The following DHTKD1 variants were observed in gnomAD, a reference collection of about 807,000 sequenced individuals.
The protein encoded by DHTKD1 is dehydrogenase E1 and transketolase domain containing 1, also known as 2-oxoadipate dehydrogenase complex component E1.
DHTKD1 carries 78 observed loss-of-function variants against 101.8 expected under a neutral mutation model. The ratio of observed to expected loss-of-function variants is 0.77; its 90% CI spans 0.64 to 0.93. DHTKD1 has a LOEUF of 0.93. DHTKD1 is among the 40% of genes least tolerant of loss of function. The pLI, the probability that DHTKD1 is intolerant of heterozygous loss-of-function variation, is 0.00. For missense variants in DHTKD1, 1,223 were observed against 1,161.7 expected (o/e 1.05, Z -0.77); for synonymous variants, 462 against 450.3 (o/e 1.03, Z -0.33).
At chr10:12,090,413 C>CTTTT (rs1219209499) in intron 5 of DHTKD1, among the ~76,000 whole-genome samples, 4 of 130,124 alleles carry the variant, frequency 3.1e-5, no homozygotes, top group Admixed American at 8.0e-5. Flanking sequence ...TCCTTTTTTC[C>CTTTT]TTCCTTCCTT....
intron 9 of DHTKD1, 31 bp downstream of exon 9, chr10:12,100,293 T>TTTTTTGTTTTTG: frequency 1.1e-6 from 1 of 874,046 alleles, no homozygotes. Flanking sequence ...TTCTGTTTTT[T>TTTTTTGTTTTTG]TTTTTTTTGA....
At chr10:12,070,313 C>T (rs569718590) in intron 1 of DHTKD1, among the ~76,000 whole-genome samples, 9 of 152,202 alleles carry the variant, frequency 5.9e-5, no homozygotes, top group Middle Eastern at 6.8e-3. Flanking sequence ...GTACAGATTG[C>T]TTATTAGAGG....
intron 7 of DHTKD1, 102 bp downstream of exon 7, chr10:12,094,373 A>G: frequency 1.9e-6 from 2 of 1,055,028 alleles, no homozygotes; most frequent in Admixed American, 4.1e-5. Context: ...TCTGGAATGC[A>G]GTAGCACGAT....
intron 9 of DHTKD1, among the ~76,000 whole-genome samples, chr10:12,100,589 TAG>T (rs998433967): frequency 5.9e-5 from 9 of 152,130 alleles, no homozygotes; most frequent in South Asian, 2.1e-4. Flanking sequence ...GTCTAGCTAG[TAG>T]AGAGTACTTT....
At chr10:12,074,806 G>A (rs551544038) in intron 1 of DHTKD1, among the ~76,000 whole-genome samples, 1 of 152,094 alleles carries the variant, frequency 6.6e-6, no homozygotes, top group Admixed American at 6.6e-5. Flanking sequence ...AGGCAGAGGT[G>A]GTATAAGAAC....
At chr10:12,081,733 A>G in intron 2 of DHTKD1, 106 bp downstream of exon 2, 4 of 1,265,750 alleles carry the variant, frequency 3.2e-6, no homozygotes, top group Non-Finnish European at 4.4e-6. Context: ...AGGCTCCCGC[A>G]GGTGTGAGGA....
At chr10:12,074,591 C>T (rs1191455116) in intron 1 of DHTKD1, among the ~76,000 whole-genome samples, 1 of 151,632 alleles carries the variant, frequency 6.6e-6, no homozygotes, top group African/African-American at 2.4e-5. Flanking sequence ...ATCTCTTGAC[C>T]TCATGATCCA....
rs777848019 is a variant in DHTKD1, at chr10:12,120,136, C to T, written c.2573-46C>T. ...GGGATCATAGTAAATTGGGGACCGT[C>T]TGCATGTGTCTACTTGAGGTGCTGA... On this transcript the variant is annotated intron_variant, in intron 15 of 16. Coordinates refer to ENST00000263035, the MANE Select transcript of DHTKD1 (RefSeq NM_018706.7). The T allele has an allele frequency of 2.1e-6, 3 of 1,460,474 alleles. No homozygotes were observed. The Admixed American group carries it at 5.1e-5, about 25-fold the overall frequency. 90.5% of individuals were successfully genotyped at this position (1,460,474 alleles called of 1,614,324 possible). A position where few individuals can be genotyped will look rare whatever the true frequency, so the allele number is the denominator to read the frequency against.
rs775165668 is a variant in DHTKD1, at chr10:12,094,170, C to T, written c.1257C>T (p.Phe419=). The T allele has an allele frequency of 2.6e-5, 42 of 1,614,126 alleles. No individual in the cohort carries two copies. Among genetic ancestry groups the T allele is most frequent in the Non-Finnish European group, 3.6e-5 (42 of 1,180,018 alleles). ...TRLAFEYQRQ[F]RKDVIIDLLC... ...TGGCTTTTGAATACCAACGCCAGTT[C>T]CGCAAGGATGTGATTATTGATCTGT... Residue 419 remains phenylalanine (F), a synonymous_variant, in exon 7 of 17, where the codon TTC becomes TTT. Transcript: ENST00000263035.
chr10:12,120,479 G>A (rs1390951458), intron 16 of DHTKD1: 21 of 519,516 alleles, frequency 4.0e-5, no homozygotes, highest in African/African-American at 5.8e-5. Context: ...GACTACAGGC[G>A]CCCGCCACCA....
At chr10:12,109,472 G>A (rs974422718) in intron 12 of DHTKD1, among the ~76,000 whole-genome samples, 6 of 151,140 alleles carry the variant, frequency 4.0e-5, no homozygotes, top group African/African-American at 1.5e-4. Context: ...GCCACTAGAT[G>A]ACATTGACAG....
At chr10:12,086,225 TC>T (rs11320281) in intron 3 of DHTKD1, among the ~76,000 whole-genome samples, 125,846 of 132,162 alleles carry the variant, frequency 0.95, 59,985 homozygotes, top group Non-Finnish European at 0.98. Flanking sequence ...TGTTTTCTTT[TC>T]TTTTTTTTTT....
chr10:12,104,944 G>A lies in DHTKD1; in HGVS notation c.1897-1302G>A, dbSNP rs907654884. Among the ~76,000 whole-genome samples, 16 of 150,262 alleles carry A rather than the reference G, an allele frequency of 1.1e-4. No homozygotes were observed. In the East Asian group the frequency reaches 2.2e-3, roughly 20 times the overall value. On this transcript the variant is annotated intron_variant, in intron 10 of 16. Transcript: ENST00000263035. ...GGCTGGAGTGCAGTGGCACAATCTC[G>A]GCTCAATGCAACCTCCACCTCCCAG...
At position 12,081,550 on chromosome 10, in the gene DHTKD1, C is replaced by T. The variant is rs1434020455; in HGVS notation, c.233C>T (p.Thr78Ile). The part of the protein sequence containing the change: ...HKAAKINPLF[T>I]GQALLENVPE... ...GCTGCCAAAATCAACCCCCTCTTCA[C>T]CGGACAAGCCCTGCTGGAGAATGTG... Residue 78 changes from threonine to isoleucine, a missense_variant, in exon 2 of 17, where the codon ACC becomes ATC. Coordinates refer to ENST00000263035, the MANE Select transcript of DHTKD1 (RefSeq NM_018706.7). The T allele has an allele frequency of 1.9e-6, 3 of 1,614,048 alleles. No homozygotes were observed. Among genetic ancestry groups the T allele is most frequent in the African/African-American group, 1.3e-5 (1 of 74,940 alleles).
chr10:12,069,518 C>CTTTTTTTTTTT (rs10691718), intron 1 of DHTKD1, among the ~76,000 whole-genome samples: 1 of 81,552 alleles, frequency 1.2e-5, no homozygotes, highest in Non-Finnish European at 2.2e-5. Flanking sequence ...TTTTTGTTTC[C>CTTTTTTTTTTT]TTTTTTTTTT....
intron 11 of DHTKD1, 133 bp downstream of exon 11, chr10:12,106,529 G>A (rs1833250432): frequency 8.8e-7 from 1 of 1,135,010 alleles, no homozygotes; most frequent in East Asian, 2.4e-5. Context: ...AGGGAGTTGG[G>A]GTCACCCTGT....
intron 1 of DHTKD1, among the ~76,000 whole-genome samples, chr10:12,075,872 T>A (rs1018017615): frequency 6.6e-6 from 1 of 152,082 alleles, no homozygotes; most frequent in African/African-American, 2.4e-5. Flanking sequence ...CATTTATTTT[T>A]ATTTTACTTC....
intron 2 of DHTKD1, among the ~76,000 whole-genome samples, chr10:12,081,892 G>A (rs1832826017): frequency 1.3e-5 from 2 of 151,644 alleles, no homozygotes; most frequent in Admixed American, 1.3e-4. Flanking sequence ...TTGGGAGCCC[G>A]AGGTGGGAGA....
At chr10:12,073,269 G>C (rs1051828981) in intron 1 of DHTKD1, among the ~76,000 whole-genome samples, 2 of 152,078 alleles carry the variant, frequency 1.3e-5, no homozygotes, top group African/African-American at 4.8e-5. Context: ...CTGACCTCAA[G>C]TGACCCAACA....
Sources: gnomAD v4.1 joint callset for allele counts (sites outside exome capture counted in the v4.1 genomes callset) on GRCh38, gnomAD v4.1.1 for gene constraint, MANE v1.5 for transcripts, NCBI Gene and HGNC (gene_info 2026-07-23, HGNC 2026-07-21) for gene names.